Variants in INPP5D observed in about 807,000 individuals in gnomAD.
INPP5D encodes inositol polyphosphate-5-phosphatase D, also known as phosphatidylinositol 3,4,5-trisphosphate 5-phosphatase 1.
In INPP5D, 33 loss-of-function variants were observed where a neutral mutation model predicts 122.9. The ratio of observed to expected loss-of-function variants is 0.27; its 90% CI spans 0.20 to 0.36. INPP5D has a LOEUF of 0.36. Among genes scored for constraint, INPP5D ranks in the 10% least tolerant of loss-of-function variants. The pLI, the probability that INPP5D is intolerant of heterozygous loss-of-function variation, is 1.00. For missense variants in INPP5D, 1,053 were observed against 1,412.7 expected (o/e 0.75, Z 4.08); for synonymous variants, 584 against 576.2 (o/e 1.01, Z -0.19).
chr2:233,126,044 C>A, intron 4 of INPP5D, 125 bp downstream of exon 4: 1 of 931,390 alleles, frequency 1.1e-6, no homozygotes, highest in Non-Finnish European at 1.6e-6. Context: ...GGGAGGTCTC[C>A]AGAGAAGAGT....
chr2:233,077,943 G>C (rs1268705193), intron 1 of INPP5D, among the ~76,000 whole-genome samples: 3 of 152,160 alleles, frequency 2.0e-5, no homozygotes, highest in Non-Finnish European at 4.4e-5. Flanking sequence ...ACCTGAGGGG[G>C]TGAGTGTGTG....
At chr2:233,193,764 C>A in intron 22 of INPP5D, 48 bp from the exon 23 acceptor site, 1 of 1,612,788 alleles carries the variant, frequency 6.2e-7, no homozygotes, top group South Asian at 1.1e-5. Context: ...GTGTTTCTGC[C>A]ATGAAAAGGC....
At chr2:233,195,282 AG>A in intron 23 of INPP5D, 116 bp from the exon 24 acceptor site, 1 of 1,498,668 alleles carries the variant, frequency 6.7e-7, no homozygotes, top group Non-Finnish European at 9.1e-7. Flanking sequence ...TCACCTCTCC[AG>A]GTACTCACTA....
At chr2:233,092,202 C>T (rs1692011309) in intron 2 of INPP5D, among the ~76,000 whole-genome samples, 1 of 152,210 alleles carries the variant, frequency 6.6e-6, no homozygotes, top group Non-Finnish European at 1.5e-5. Flanking sequence ...CCAGGCTTAT[C>T]AGGGAGCCGT....
chr2:233,152,373 T>C (rs561041875), intron 9 of INPP5D, among the ~76,000 whole-genome samples: 4 of 152,326 alleles, frequency 2.6e-5, no homozygotes, highest in African/African-American at 9.6e-5. Context: ...AGTTGCTGTA[T>C]GTTCAAATCA....
chr2:233,126,876 C>T (rs924512493), intron 4 of INPP5D, among the ~76,000 whole-genome samples: 22 of 151,790 alleles, frequency 1.4e-4, no homozygotes, highest in Non-Finnish European at 2.9e-5. Context: ...ACCAAAATTG[C>T]GCCACTGCAC....
chr2:233,169,568 C>A (rs2106301739), intron 14 of INPP5D, 167 bp downstream of exon 14: 1 of 1,046,328 alleles, frequency 9.6e-7, no homozygotes, highest in Non-Finnish European at 1.4e-6. Flanking sequence ...ACTGCAGCAC[C>A]ATAGTGACCT....
rs907240782 is a variant in INPP5D, at chr2:233,206,981, C to T, written c.*273C>T. 1 of 457,680 alleles carries T rather than the reference C, an allele frequency of 2.2e-6. No individual in the cohort carries two copies. The highest frequency in any genetic ancestry group is 4.0e-6 in the Non-Finnish European group (1 of 252,370). 28.4% of individuals were successfully genotyped at this position (457,680 alleles called of 1,614,324 possible). ...CTCTTGGTACTTGGGACCCCAGTGC[C>T]TCGTTGAGGGCGCCATTCTGAAGAA... On this transcript the variant is annotated 3_prime_UTR_variant, in exon 27 of 27. Transcript: ENST00000445964. The surrounding 1 kb of genome is among the most constrained non-coding windows in gnomAD (Gnocchi z 4.0).
At position 233,123,806 on chromosome 2, in the gene INPP5D, G is replaced by A. The variant is rs141921253; in HGVS notation, c.349+1549G>A. ...CAGCCAGTAAAAAGAACGAGATCAT[G>A]TCCTTTGCAGGAACATGGATGGAGC... On this transcript the variant is annotated intron_variant, in intron 3 of 26. Coordinates refer to ENST00000445964, the MANE Select transcript of INPP5D (RefSeq NM_001017915.3). Among the ~76,000 whole-genome samples the A allele has an allele frequency of 6.8e-3, 1,037 of 152,330 alleles. 4 individuals are homozygous for A. The highest frequency in any genetic ancestry group is 0.01 in the Middle Eastern group (3 of 294).
chr2:233,176,039 T>G (rs974274766), intron 17 of INPP5D, among the ~76,000 whole-genome samples: 2 of 152,180 alleles, frequency 1.3e-5, no homozygotes, highest in Admixed American at 6.5e-5. Context: ...GAAAAGTAAT[T>G]GAAGGAGATG....
In INPP5D at chr2:233,177,590, T is replaced by C. The variant is rs1694672028; in HGVS notation, c.2071+244T>C. 6.6e-6 allele frequency among the ~76,000 whole-genome samples: 1 copy of C among 152,220 alleles called. No individual in the cohort carries two copies. The highest frequency in any genetic ancestry group is 1.5e-5 in the Non-Finnish European group (1 of 68,042). ...TAGAGCACTTTTTTTCTTTTTCTTTTTGAGACGGAGTCTCACTCTGTCACC... is the reference window on the plus strand; with the variant it reads ...TAGAGCACTTTTTTTCTTTTTCTTTCTGAGACGGAGTCTCACTCTGTCACC... On this transcript the variant is annotated intron_variant, in intron 18 of 26. Transcript: ENST00000445964. This position sits in a 1 kb window ranked among gnomAD's most constrained non-coding sequence, Gnocchi z 4.2.
intron 2 of INPP5D, among the ~76,000 whole-genome samples, chr2:233,080,093 C>T (rs1691633875): frequency 6.6e-6 from 1 of 152,104 alleles, no homozygotes; most frequent in African/African-American, 2.4e-5. Flanking sequence ...CCATGCCCGG[C>T]TGATTTTTGT....
intron 1 of INPP5D, among the ~76,000 whole-genome samples, chr2:233,067,793 C>T (rs906722376): frequency 1.3e-4 from 20 of 152,284 alleles, no homozygotes; most frequent in East Asian, 1.9e-4. Context: ...TGATGCCAAA[C>T]GTCTTTTCTC....
chr2:233,077,397 A>C (rs1308184069), intron 1 of INPP5D, among the ~76,000 whole-genome samples: 1 of 152,176 alleles, frequency 6.6e-6, no homozygotes, highest in Non-Finnish European at 1.5e-5. Context: ...GCAGTGGCTC[A>C]TGCCTGTAAT....
At chr2:233,191,213 G>A (rs1166390509) in intron 22 of INPP5D, among the ~76,000 whole-genome samples, 1 of 152,198 alleles carries the variant, frequency 6.6e-6, no homozygotes, top group East Asian at 1.9e-4. Context: ...ATGATGGCAG[G>A]AAGGAGAAGT....
intron 2 of INPP5D, among the ~76,000 whole-genome samples, chr2:233,098,491 GTCT>G (rs1370904308): frequency 2.6e-5 from 4 of 152,138 alleles, no homozygotes; most frequent in African/African-American, 4.8e-5. Context: ...GATAGTTCTG[GTCT>G]TCTTTAACGT....
At chr2:233,104,755 T>G (rs1186316637) in intron 2 of INPP5D, among the ~76,000 whole-genome samples, 7 of 152,166 alleles carry the variant, frequency 4.6e-5, no homozygotes, top group Admixed American at 2.0e-4. Flanking sequence ...AGGCTTGAGA[T>G]GGACAAGTGC....
At chr2:233,148,697 T>C (rs987400415) in intron 9 of INPP5D, among the ~76,000 whole-genome samples, 2 of 152,004 alleles carry the variant, frequency 1.3e-5, no homozygotes, top group African/African-American at 4.8e-5. Flanking sequence ...AATGGACATC[T>C]TTCTTCATCT....
intron 9 of INPP5D, among the ~76,000 whole-genome samples, chr2:233,151,565 C>G (rs1693927315): frequency 6.6e-6 from 1 of 152,212 alleles, no homozygotes; most frequent in Non-Finnish European, 1.5e-5. Flanking sequence ...ACACCCTGGA[C>G]TCTGCAGGCC....
Sources: allele counts gnomAD v4.1 joint callset (sites outside exome capture counted in the v4.1 genomes callset), GRCh38; gene constraint gnomAD v4.1.1; non-coding constraint Gnocchi (gnomAD v3.1); transcripts MANE v1.5; gene names NCBI Gene and HGNC (gene_info 2026-07-23, HGNC 2026-07-21).